The following SLC6A3 variants were observed in gnomAD, a reference collection of about 807,000 sequenced individuals.
SLC6A3 encodes sodium-dependent dopamine transporter.
SLC6A3 carries 19 observed loss-of-function variants against 70.4 expected under a neutral mutation model. That is an observed-to-expected ratio of 0.27 (90% CI 0.19 to 0.40). The LOEUF (loss-of-function observed/expected upper bound fraction) is 0.40. SLC6A3 is among the 10% of genes least tolerant of loss of function. SLC6A3 has a pLI of 1.00. For missense variants in SLC6A3, 613 were observed against 838.5 expected (o/e 0.73, Z 3.32); for synonymous variants, 368 against 356.6 (o/e 1.03, Z -0.36).
intron 4 of SLC6A3, among the ~76,000 whole-genome samples, chr5:1,426,150 T>C (rs1267295236): frequency 6.6e-6 from 1 of 152,174 alleles, no homozygotes; most frequent in African/African-American, 2.4e-5. Context: ...AACTTCTGGG[T>C]ATCTACTCAA....
rs1365122755 is a variant in SLC6A3 at position 1,416,443 on chromosome 5, C to T, written c.928-242G>A. The T allele has an allele frequency of 2.4e-5, 14 of 593,146 alleles. No individual in the cohort carries two copies. In the East Asian group the frequency reaches 4.0e-4, roughly 17 times the overall value. 36.7% of individuals were successfully genotyped at this position (593,146 alleles called of 1,614,324 possible). A position where few individuals can be genotyped will look rare whatever the true frequency, so the allele number is the denominator to read the frequency against. ...TGTCTGTGTTCATTGATCTGGGATT[C>T]CCCATGGAGTATCAAGGCAGCGATT... is the stretch of plus-strand genomic sequence containing the variant. On this transcript the variant is annotated intron_variant, in intron 6 of 14. Coordinates refer to ENST00000270349, the MANE Select transcript of SLC6A3 (RefSeq NM_001044.5).
intron 4 of SLC6A3, among the ~76,000 whole-genome samples, chr5:1,429,702 C>T (rs887355328): frequency 2.0e-5 from 3 of 152,230 alleles, no homozygotes; most frequent in African/African-American, 7.2e-5. Context: ...GTACCGGGAA[C>T]TCTCAGGCTC....
At chr5:1,430,778 C>T (rs549190905) in intron 4 of SLC6A3, among the ~76,000 whole-genome samples, 6 of 152,390 alleles carry the variant, frequency 3.9e-5, no homozygotes, top group African/African-American at 1.2e-4. Flanking sequence ...CCAGCAGAGG[C>T]GAGGTGGGGG....
Position 1,442,485 on chromosome 5 carries a change from C to T in SLC6A3, c.286+427G>A, listed in dbSNP as rs1266330454. Among the ~76,000 whole-genome samples the T allele has an allele frequency of 6.6e-6, 1 of 152,218 alleles. No individual in the cohort carries two copies. The highest frequency in any genetic ancestry group is 2.4e-5 in the African/African-American group (1 of 41,460). On this transcript the variant is annotated intron_variant, in intron 2 of 14. Coordinates refer to ENST00000270349, the MANE Select transcript of SLC6A3 (RefSeq NM_001044.5). This position sits in a 1 kb window ranked among gnomAD's most constrained non-coding sequence, Gnocchi z 5.0. ...TTCTGGAGGGTGCAGGGGACACAGT[C>T]ACTTTCCAGGGGCCTCCTCTGCCAC... is the stretch of plus-strand genomic sequence containing the variant.
chr5:1,440,796 A>G (rs1057430657), intron 3 of SLC6A3, among the ~76,000 whole-genome samples: 2 of 152,192 alleles, frequency 1.3e-5, no homozygotes, highest in Non-Finnish European at 2.9e-5. Context: ...CAGCCTCAGA[A>G]GAAATCAACC....
At chr5:1,410,203 G>A (rs775416332) in intron 9 of SLC6A3, among the ~76,000 whole-genome samples, 12 of 152,292 alleles carry the variant, frequency 7.9e-5, no homozygotes, top group African/African-American at 2.2e-4. Flanking sequence ...AGCAAGATGC[G>A]TCCCCCACAC....
chr5:1,442,732 C>A lies in SLC6A3; in HGVS notation c.286+180G>T, dbSNP rs562670156. ...GGCGTGGGACAAGGCAGCTCCGAGT[C>A]CTGCTCAATGGTTTTGTGACATCCT... is the stretch of plus-strand genomic sequence containing the variant. On this transcript the variant is annotated intron_variant, in intron 2 of 14. Coordinates refer to ENST00000270349, the MANE Select transcript of SLC6A3 (RefSeq NM_001044.5). The surrounding 1 kb of genome is among the most constrained non-coding windows in gnomAD (Gnocchi z 5.0). Among the ~76,000 whole-genome samples, 6 of 152,152 alleles carry A rather than the reference C, an allele frequency of 3.9e-5. No homozygotes were observed. The highest frequency in any genetic ancestry group is 7.2e-5 in the African/African-American group (3 of 41,508).
At chr5:1,428,898 C>T (rs1194887581) in intron 4 of SLC6A3, among the ~76,000 whole-genome samples, 1 of 152,226 alleles carries the variant, frequency 6.6e-6, no homozygotes, top group Non-Finnish European at 1.5e-5. Flanking sequence ...TTCAGATCTA[C>T]TCTTGCTAAC....
In SLC6A3 at chr5:1,405,533, A is replaced by G. The variant is rs1755951724; in HGVS notation, c.1599+655T>C. ...GACAGCTCTTAGGTTGCCTGCCCAGATCAGGCAGCACAGCTTTGCTTTGTG... is the reference window on the plus strand; with the variant it reads ...GACAGCTCTTAGGTTGCCTGCCCAGGTCAGGCAGCACAGCTTTGCTTTGTG... On this transcript the variant is annotated intron_variant, in intron 12 of 14. Coordinates refer to ENST00000270349, the MANE Select transcript of SLC6A3 (RefSeq NM_001044.5). The surrounding 1 kb of genome is among the most constrained non-coding windows in gnomAD (Gnocchi z 5.3). Among the ~76,000 whole-genome samples the G allele has an allele frequency of 1.3e-5, 2 of 152,246 alleles. No homozygotes were observed. Among genetic ancestry groups the G allele is most frequent in the Non-Finnish European group, 2.9e-5 (2 of 68,042 alleles).
chr5:1,427,748 C>T lies in SLC6A3; in HGVS notation c.653+4716G>A, dbSNP rs180758049. ...CAAAGTAGACTTCAGAATGAGAAAT[C>T]TAACCCAGAAGGATAGTTCAAATGG... On this transcript the variant is annotated intron_variant, in intron 4 of 14. Transcript: ENST00000270349. 4.7e-4 allele frequency among the ~76,000 whole-genome samples: 71 copies of T among 152,312 alleles called. No individual in the cohort carries two copies. In the East Asian group the frequency reaches 0.012, roughly 26 times the overall value.
intron 4 of SLC6A3, 47 bp downstream of exon 4, chr5:1,432,417 C>T: frequency 6.9e-7 from 1 of 1,446,624 alleles, no homozygotes; most frequent in Non-Finnish European, 9.7e-7. Flanking sequence ...CATGGGGGAC[C>T]TGGCTGCGCC....
intron 1 of SLC6A3, among the ~76,000 whole-genome samples, chr5:1,444,763 C>T (rs954071064): frequency 4.6e-5 from 7 of 152,200 alleles, no homozygotes; most frequent in African/African-American, 1.7e-4. Flanking sequence ...GCCTCAGAGG[C>T]GAGTTTTGGG....
At chr5:1,427,527 C>A (rs1385941947) in intron 4 of SLC6A3, among the ~76,000 whole-genome samples, 7 of 152,080 alleles carry the variant, frequency 4.6e-5, no homozygotes, top group South Asian at 2.1e-4. Flanking sequence ...GCCATGCTGA[C>A]AATTATTGAA....
In SLC6A3 at chr5:1,405,954, CA is replaced by C. The variant is rs1320461173; in HGVS notation, c.1599+233del. Among the ~76,000 whole-genome samples the C allele has an allele frequency of 1.3e-5, 2 of 152,202 alleles. No individual in the cohort carries two copies. Among genetic ancestry groups the C allele is most frequent in the Non-Finnish European group, 1.5e-5 (1 of 68,038 alleles). The stretch of plus-strand genomic sequence containing the variant: ...GTGCAGGACTCACAACGGACTGTGA[CA>C]GGGGTCCAAGACCATGTGAGGTTTT... On this transcript the variant is annotated intron_variant, in intron 12 of 14. Transcript: ENST00000270349. The surrounding 1 kb of genome is among the most constrained non-coding windows in gnomAD (Gnocchi z 5.3).
chr5:1,427,572 T>C (rs1756599988), intron 4 of SLC6A3, among the ~76,000 whole-genome samples: 1 of 152,258 alleles, frequency 6.6e-6, no homozygotes, highest in East Asian at 1.9e-4. Context: ...GATTGCCATA[T>C]TGGATAAAAA....
intron 7 of SLC6A3, among the ~76,000 whole-genome samples, chr5:1,415,416 G>A (rs977331743): frequency 1.3e-5 from 2 of 152,164 alleles, no homozygotes; most frequent in Non-Finnish European, 2.9e-5. Context: ...GACCCAGGTG[G>A]ACGCAGGTGG....
chr5:1,416,561 A>AT, intron 6 of SLC6A3: 6 of 315,114 alleles, frequency 1.9e-5, no homozygotes, highest in South Asian at 3.8e-5. Flanking sequence ...TAACCCTCGG[A>AT]ACAGCACGGC....
Position 1,411,564 on chromosome 5 carries a change from G to A in SLC6A3, c.1157-209C>T, listed in dbSNP as rs956101667. On this transcript the variant is annotated intron_variant, in intron 8 of 14. Transcript: ENST00000270349. This position sits in a 1 kb window ranked among gnomAD's most constrained non-coding sequence, Gnocchi z 6.5. ...AACCCAGAACTGATCAGAGGGCTTTGGTTCATGCCCACCACCCAGCAATGG... is the reference window on the plus strand; with the variant it reads ...AACCCAGAACTGATCAGAGGGCTTTAGTTCATGCCCACCACCCAGCAATGG... Among the ~76,000 whole-genome samples the A allele has an allele frequency of 3.5e-4, 54 of 152,202 alleles. No individual in the cohort carries two copies. Among genetic ancestry groups the A allele is most frequent in the African/African-American group, 1.3e-3 (52 of 41,446 alleles).
chr5:1,432,848 T>G (rs983749300), intron 3 of SLC6A3, 150 bp from the exon 4 acceptor site: 3 of 665,564 alleles, frequency 4.5e-6, no homozygotes, highest in Non-Finnish European at 8.0e-6. Flanking sequence ...TCTTCAAACA[T>G]GCAGGGAAGG....
Sources: allele counts gnomAD v4.1 joint callset (sites outside exome capture counted in the v4.1 genomes callset), GRCh38; gene constraint gnomAD v4.1.1; non-coding constraint Gnocchi (gnomAD v3.1); transcripts MANE v1.5; gene names NCBI Gene and HGNC (gene_info 2026-07-23, HGNC 2026-07-21).